Variants in ACOT11 observed in about 807,000 individuals in gnomAD.
ACOT11 encodes acyl-CoA thioesterase 11.
Under a neutral mutation model 77.5 loss-of-function variants are expected in ACOT11, and 69 were observed. That is an observed-to-expected ratio of 0.89 (90% CI 0.73 to 1.09). The LOEUF is 1.09. ACOT11 is among the 50% of genes least tolerant of loss of function. The probability of loss-of-function intolerance (pLI) is 0.00; values close to 1 mark genes in which losing one functional copy is unlikely to be tolerated. For synonymous variants in ACOT11, 279 were observed against 313.0 expected, an observed-to-expected ratio of 0.89 and a Z score of 1.15; for missense variants, 766 against 813.7, an observed-to-expected ratio of 0.94 and a Z score of 0.71.
chr1:54,607,153 C>T lies in ACOT11; in HGVS notation c.1390C>T (p.Gln464Ter), dbSNP rs140411865. The T allele has an allele frequency of 4.0e-5, 64 of 1,614,142 alleles. No individual in the cohort carries two copies. In the African/African-American group the frequency reaches 6.8e-4, roughly 17 times the overall value. ...KHYRSVELVQ[Q>*]VDEDDAIYHV... ...CCACAGGAGCGTGGAGCTAGTGCAG[C>T]AGGTAGACGAGGACGACGCCATCTA... is the stretch of plus-strand genomic sequence containing the variant. The change falls in exon 14 of 16, where the codon CAG becomes TAG. Residue 464 changes from glutamine to a stop codon, truncating the protein, a stop_gained. Transcript: ENST00000343744. LOFTEE classifies it high-confidence loss of function. This position sits in a 1 kb window ranked among gnomAD's most constrained non-coding sequence, Gnocchi z 4.5.
intron 1 of ACOT11, among the ~76,000 whole-genome samples, chr1:54,583,586 G>A (rs2100977593): frequency 6.6e-6 from 1 of 151,646 alleles, no homozygotes; most frequent in African/African-American, 2.4e-5. Flanking sequence ...AGCTCAGGCT[G>A]CAGCAGACCT....
Position 54,605,182 on chromosome 1 carries a change from A to G in ACOT11, c.1343A>G (p.Gln448Arg). Residue 448 changes from glutamine (Q) to arginine (R), a missense_variant, in exon 13 of 16, where the codon CAG becomes CGG. Gln to Arg is a conservative substitution (Grantham distance 43, BLOSUM62 1). Coordinates refer to ENST00000343744, the MANE Select transcript of ACOT11 (RefSeq NM_147161.4). ...QAFLLLSDLR[Q>R]RPEWDKHYRS... ...TTCCTGCTGCTCTCGGACCTGCGTC[A>G]GAGGCCAGAGTGGGACAAGCACTAC... 6.2e-7 allele frequency: 1 copy of G among 1,613,706 alleles called. No homozygotes were observed. Among genetic ancestry groups the G allele is most frequent in the South Asian group, 1.1e-5 (1 of 91,078 alleles).
At chr1:54,604,035 A>G in intron 11 of ACOT11, 98 bp downstream of exon 11, 1 of 1,146,020 alleles carries the variant, frequency 8.7e-7, no homozygotes, top group South Asian at 1.3e-5. Context: ...CGGGGAGAGC[A>G]GGATATGAAT....
chr1:54,593,842 G>T, intron 4 of ACOT11, 99 bp from the exon 5 acceptor site: 1 of 1,005,570 alleles, frequency 9.9e-7, no homozygotes, highest in Non-Finnish European at 1.5e-6. Flanking sequence ...CTGGAGGCCT[G>T]GCCTGGGCTG....
At chr1:54,604,201 ACT>A in intron 11 of ACOT11, 143 bp from the exon 12 acceptor site, 1 of 732,670 alleles carries the variant, frequency 1.4e-6, no homozygotes, top group African/African-American at 1.7e-5. Context: ...AACGCCCAGG[ACT>A]CTTTCCACAG....
rs1369179504 is a variant in ACOT11 at position 54,597,269 on chromosome 1, CAG to C, written c.622_623del (p.Asp208LeufsTer2). On this transcript the variant is annotated frameshift_variant, in exon 7 of 16. Coordinates refer to ENST00000343744, the MANE Select transcript of ACOT11 (RefSeq NM_147161.4). LOFTEE classifies it high-confidence loss of function. ...CCCATCCCTGGTCAGATCTGGAGAG[CAG>C]AGACTGTAGCCGCATGGTGCCGGCT... Reference protein sequence around the residue: ...NCAIQGDLESRDCSRMVPAEK... With the variant: ...NCAIQGDLESXDCSRMVPAEK... The C allele has an allele frequency of 6.2e-7, 1 of 1,612,374 alleles. No homozygotes were observed. The highest frequency in any genetic ancestry group is 8.5e-7 in the Non-Finnish European group (1 of 1,180,026).
At position 54,602,556 on chromosome 1, in the gene ACOT11, C is replaced by T. The variant is rs867055497; in HGVS notation, c.1030-113C>T. 7.3e-5 allele frequency: 75 copies of T among 1,028,868 alleles called. 1 individual carries two copies. In the Middle Eastern group the frequency reaches 9.7e-4, roughly 13 times the overall value. 63.7% of individuals were successfully genotyped at this position (1,028,868 alleles called of 1,614,324 possible). ...GATGTTTTGATTCCAGCTGCCCCAG[C>T]GACACCTGAACTCCACGTTAGGGCT... On this transcript the variant is annotated intron_variant, in intron 9 of 15. Coordinates refer to ENST00000343744, the MANE Select transcript of ACOT11 (RefSeq NM_147161.4).
At chr1:54,621,099 G>T (rs1001551040) in intron 15 of ACOT11, among the ~76,000 whole-genome samples, 2 of 151,472 alleles carry the variant, frequency 1.3e-5, no homozygotes, top group Non-Finnish European at 2.9e-5. Flanking sequence ...GACAGAGGTT[G>T]CAGTGAGCCG....
At chr1:54,618,842 ATC>A (rs532995905) in intron 15 of ACOT11, among the ~76,000 whole-genome samples, 167 of 152,198 alleles carry the variant, frequency 1.1e-3, no homozygotes, top group African/African-American at 3.9e-3. Context: ...AGGTTATTTG[ATC>A]TTTTTTTGCC....
chr1:54,613,176 T>C (rs925015468), downstream of ACOT11, among the ~76,000 whole-genome samples: 3 of 151,892 alleles, frequency 2.0e-5, no homozygotes, highest in Non-Finnish European at 2.9e-5. Context: ...GGTTGGGAGT[T>C]CGAGACCAGC....
rs150203501 is a variant in ACOT11 at position 54,584,707 on chromosome 1, C to T, written c.86C>T (p.Ala29Val). ...NRTSRKSALR[A>V]GNDSAMADGE... ...ACATCCCGGAAGTCAGCCTTACGTG[C>T]GGGGAACGACAGTGCCATGGCAGAC... Residue 29 changes from alanine (A) to valine (V), a missense_variant, in exon 2 of 16, where the codon GCG becomes GTG. Transcript: ENST00000343744. This position sits in a 1 kb window ranked among gnomAD's most constrained non-coding sequence, Gnocchi z 6.3. 72 of 1,614,056 alleles carry T rather than the reference C, an allele frequency of 4.5e-5. No homozygotes were observed. The highest frequency in any genetic ancestry group is 3.5e-4 in the Admixed American group (21 of 60,004).
intron 16 of ACOT11, among the ~76,000 whole-genome samples, chr1:54,631,606 G>C (rs1002941733): frequency 2.0e-5 from 3 of 152,126 alleles, no homozygotes; most frequent in African/African-American, 7.2e-5. Context: ...TGGCGGCTGG[G>C]CTGGTTTCGA....
At chr1:54,634,148 G>A (rs1644317475) in intron 16 of ACOT11, among the ~76,000 whole-genome samples, 2 of 152,284 alleles carry the variant, frequency 1.3e-5, no homozygotes, top group South Asian at 2.1e-4. Context: ...AATACAGCAA[G>A]CTTTTATAAA....
At chr1:54,620,115 A>G in intron 15 of ACOT11, 1 of 1,191,092 alleles carries the variant, frequency 8.4e-7, no homozygotes, top group Non-Finnish European at 1.2e-6. Context: ...CCAGTACCCC[A>G]TCTGGCAGAG....
At chr1:54,615,197 C>T (rs576232143), downstream of ACOT11, among the ~76,000 whole-genome samples, 5 of 152,222 alleles carry the variant, frequency 3.3e-5, no homozygotes, top group African/African-American at 1.2e-4. Flanking sequence ...AGGGCAGACT[C>T]AGAGGGTCCT....
At chr1:54,596,004 C>T (rs1227796082) in intron 6 of ACOT11, among the ~76,000 whole-genome samples, 1 of 152,176 alleles carries the variant, frequency 6.6e-6, no homozygotes, top group Non-Finnish European at 1.5e-5. Context: ...CCAGCTCTTC[C>T]TACAGTCATC....
intron 13 of ACOT11, among the ~76,000 whole-genome samples, chr1:54,606,814 A>G (rs1239903056): frequency 6.6e-6 from 1 of 152,238 alleles, no homozygotes; most frequent in Non-Finnish European, 1.5e-5. Context: ...GTCTCTGTGT[A>G]CACTGATGTC....
rs1230777212 is a variant in ACOT11, at chr1:54,561,180, G to A, written c.33+12838G>A. ...GATTTGGCAGGGTCATGGGACAATAGTGGAGGGAAGGTCAGCAGATAAACA... is the reference window on the plus strand; with the variant it reads ...GATTTGGCAGGGTCATGGGACAATAATGGAGGGAAGGTCAGCAGATAAACA... On this transcript the variant is annotated intron_variant, in intron 1 of 15. Transcript: ENST00000343744. 1.1e-4 allele frequency among the ~76,000 whole-genome samples: 15 copies of A among 142,016 alleles called. No individual in the cohort carries two copies. In the Admixed American group the frequency reaches 1.1e-3, roughly 10 times the overall value. 93.2% of individuals were successfully genotyped at this position (142,016 alleles called of 152,430 possible). A position where few individuals can be genotyped will look rare whatever the true frequency, so the allele number is the denominator to read the frequency against.
chr1:54,591,070 TA>T, intron 3 of ACOT11, among the ~76,000 whole-genome samples: 1 of 152,296 alleles, frequency 6.6e-6, no homozygotes, highest in East Asian at 1.9e-4. Flanking sequence ...CTCTCTCTGC[TA>T]AACGATTTGA....
Sources: gnomAD v4.1 joint callset for allele counts (sites outside exome capture counted in the v4.1 genomes callset) on GRCh38, gnomAD v4.1.1 for gene constraint, Gnocchi (gnomAD v3.1) non-coding constraint, MANE v1.5 for transcripts, NCBI Gene and HGNC (gene_info 2026-07-23, HGNC 2026-07-21) for gene names.